Variants in GRIA2 observed in about 807,000 individuals in gnomAD.
GRIA2 encodes the protein glutamate ionotropic receptor AMPA type subunit 2, also known as glutamate receptor 2.
In GRIA2, 14 loss-of-function variants were observed where a neutral mutation model predicts 97.3. That is an observed-to-expected ratio of 0.14 (90% CI 0.10 to 0.23). GRIA2 has a LOEUF of 0.23. Among genes scored for constraint, GRIA2 ranks in the 10% least tolerant of loss-of-function variants. The probability of loss-of-function intolerance (pLI) is 1.00; values close to 1 mark genes in which losing one functional copy is unlikely to be tolerated. For synonymous variants in GRIA2, 412 were observed against 387.8 expected (o/e 1.06, Z -0.73); for missense variants, 558 against 1,069.8 (o/e 0.52, Z 6.67).
At chr4:157,256,163 A>T (rs1487583328) in intron 2 of GRIA2, among the ~76,000 whole-genome samples, 1 of 138,690 alleles carries the variant, frequency 7.2e-6, no homozygotes, top group Non-Finnish European at 1.5e-5. Flanking sequence ...TATTACATAT[A>T]TATGTTATAT....
rs189517161 is a variant in GRIA2, at chr4:157,295,408, A to G, written c.230-8144A>G. On this transcript the variant is annotated intron_variant, in intron 2 of 15. Transcript: ENST00000264426. ...CTATAGGGAAAATCATCATTGAGGC[A>G]ATTTATGGAAAATGTCATTGGGGTG... 2.6e-5 allele frequency among the ~76,000 whole-genome samples: 4 copies of G among 152,216 alleles called. No individual in the cohort carries two copies. The East Asian group carries it at 7.7e-4, about 29-fold the overall frequency.
At chr4:157,362,306 A>C (rs1475391468) in intron 14 of GRIA2, 11 of 443,078 alleles carry the variant, frequency 2.5e-5, no homozygotes, top group South Asian at 1.8e-4. Flanking sequence ...TAGTACTTTG[A>C]GGGATTGGAA....
intron 2 of GRIA2, among the ~76,000 whole-genome samples, chr4:157,294,890 T>A (rs1010895982): frequency 6.6e-6 from 1 of 152,136 alleles, no homozygotes; most frequent in African/African-American, 2.4e-5. Flanking sequence ...AGAGCATGAG[T>A]TGAGCAAGAG....
chr4:157,254,795 G>A (rs928705257), intron 2 of GRIA2, among the ~76,000 whole-genome samples: 1 of 152,038 alleles, frequency 6.6e-6, no homozygotes, highest in African/African-American at 2.4e-5. Flanking sequence ...GATATAAGTA[G>A]AGGATACTCA....
chr4:157,247,564 TA>T (rs140966061), intron 2 of GRIA2, among the ~76,000 whole-genome samples: 26,215 of 152,082 alleles, frequency 0.17, 2,402 homozygotes, highest in African/African-American at 0.23. Flanking sequence ...CTTGTCACAT[TA>T]TTCCAGGACT....
At chr4:157,303,816 T>C in intron 3 of GRIA2, 25 bp downstream of exon 3, 1 of 1,609,698 alleles carries the variant, frequency 6.2e-7, no homozygotes, top group Non-Finnish European at 8.5e-7. Context: ...CTCATCTCTT[T>C]GTAATGGGGC....
intron 12 of GRIA2, among the ~76,000 whole-genome samples, chr4:157,344,900 G>T (rs1735705904): frequency 6.6e-6 from 1 of 152,018 alleles, no homozygotes; most frequent in Non-Finnish European, 1.5e-5. Flanking sequence ...TTCTAAAATA[G>T]AATTCAGAAT....
intron 2 of GRIA2, among the ~76,000 whole-genome samples, chr4:157,227,709 C>G (rs1053751358): frequency 6.6e-6 from 1 of 151,978 alleles, no homozygotes; most frequent in Admixed American, 6.6e-5. Context: ...ACTGAAGATA[C>G]CCCAGATTTC....
intron 2 of GRIA2, among the ~76,000 whole-genome samples, chr4:157,265,404 T>C (rs1731725887): frequency 6.6e-6 from 1 of 152,136 alleles, no homozygotes; most frequent in Non-Finnish European, 1.5e-5. Context: ...ATGTGTAAAT[T>C]CAGCTGGGCT....
intron 11 of GRIA2, among the ~76,000 whole-genome samples, chr4:157,339,691 A>G (rs1442928820): frequency 5.3e-5 from 8 of 151,914 alleles, no homozygotes; most frequent in Admixed American, 5.3e-4. Context: ...ATGTAGAGTC[A>G]AAAGCAATTA....
At chr4:157,264,715 C>T (rs1487704332) in intron 2 of GRIA2, among the ~76,000 whole-genome samples, 1 of 152,044 alleles carries the variant, frequency 6.6e-6, no homozygotes, top group Non-Finnish European at 1.5e-5. Context: ...TAAAAAAGGA[C>T]AATCAGGAAA....
intron 2 of GRIA2, among the ~76,000 whole-genome samples, chr4:157,287,588 A>G (rs577321026): frequency 6.6e-6 from 1 of 151,806 alleles, no homozygotes; most frequent in South Asian, 2.1e-4. Flanking sequence ...TAATTTCCAG[A>G]GTTGAGGTTT....
intron 12 of GRIA2, among the ~76,000 whole-genome samples, chr4:157,355,614 T>TTATTTATATA (rs1347002016): frequency 4.3e-5 from 6 of 139,224 alleles, no homozygotes; most frequent in African/African-American, 7.9e-5. Context: ...TTATATATAT[T>TTATTTATATA]TATTTATATA....
intron 6 of GRIA2, among the ~76,000 whole-genome samples, chr4:157,327,820 A>G (rs1399436676): frequency 6.6e-6 from 1 of 152,108 alleles, no homozygotes; most frequent in Non-Finnish European, 1.5e-5. Context: ...TTGCTGTCCT[A>G]AGAGAGTTAT....
chr4:157,229,974 T>A (rs1579288456), intron 2 of GRIA2, among the ~76,000 whole-genome samples: 1 of 152,300 alleles, frequency 6.6e-6, no homozygotes, highest in African/African-American at 2.4e-5. Flanking sequence ...GAAATGTGTT[T>A]ATATAAACTA....
chr4:157,325,975 C>T (rs1362693571), intron 6 of GRIA2, among the ~76,000 whole-genome samples: 1 of 152,116 alleles, frequency 6.6e-6, no homozygotes, highest in Non-Finnish European at 1.5e-5. Flanking sequence ...AATGTCTCTC[C>T]ATTTCACTTG....
chr4:157,239,434 G>A (rs1730398889), intron 2 of GRIA2, among the ~76,000 whole-genome samples: 1 of 151,936 alleles, frequency 6.6e-6, no homozygotes, highest in South Asian at 2.1e-4. Flanking sequence ...ACTAACAGAG[G>A]AAGACAGAAT....
chr4:157,291,215 C>A (rs1733084826), intron 2 of GRIA2, among the ~76,000 whole-genome samples: 1 of 151,884 alleles, frequency 6.6e-6, no homozygotes, highest in Non-Finnish European at 1.5e-5. Context: ...CGCTCTTTCC[C>A]GAATGCCTCC....
chr4:157,288,403 A>G (rs1732944467), intron 2 of GRIA2, among the ~76,000 whole-genome samples: 1 of 151,452 alleles, frequency 6.6e-6, no homozygotes, highest in Non-Finnish European at 1.5e-5. Flanking sequence ...TTATTTTTTT[A>G]GGCCTCGGGT....
Sources: gnomAD v4.1 joint callset for allele counts (sites outside exome capture counted in the v4.1 genomes callset) on GRCh38, gnomAD v4.1.1 for gene constraint, MANE v1.5 for transcripts, NCBI Gene and HGNC (gene_info 2026-07-23, HGNC 2026-07-21) for gene names.